Variants in CNTNAP5 observed in about 807,000 individuals in gnomAD.
CNTNAP5 encodes contactin-associated protein-like 5.
Under a neutral mutation model 150.2 loss-of-function variants are expected in CNTNAP5, and 72 were observed. The ratio of observed to expected loss-of-function variants is 0.48; its 90% CI spans 0.40 to 0.58. The LOEUF (loss-of-function observed/expected upper bound fraction) is 0.58. Among genes scored for constraint, CNTNAP5 ranks in the 20% least tolerant of loss-of-function variants. The probability of loss-of-function intolerance (pLI) is 0.00; values close to 1 mark genes in which losing one functional copy is unlikely to be tolerated. For synonymous variants in CNTNAP5, 672 were observed against 619.8 expected (o/e 1.08, Z -1.25); for missense variants, 1,636 against 1,626.2 (o/e 1.01, Z -0.10).
At chr2:124,749,669 C>T (rs1423325298) in intron 14 of CNTNAP5, among the ~76,000 whole-genome samples, 2 of 152,166 alleles carry the variant, frequency 1.3e-5, no homozygotes, top group Non-Finnish European at 2.9e-5. Context: ...CTGCCTCGAC[C>T]TCCCAAAGTG....
At chr2:124,869,783 C>G (rs771629375) in intron 21 of CNTNAP5, 21 bp downstream of exon 21, 1 of 1,408,246 alleles carries the variant, frequency 7.1e-7, no homozygotes, top group Non-Finnish European at 1.0e-6. Context: ...CTAGTTCATA[C>G]CTTTCCAGTG....
chr2:124,077,252 A>T (rs1682459808), intron 1 of CNTNAP5, among the ~76,000 whole-genome samples: 1 of 151,380 alleles, frequency 6.6e-6, no homozygotes, highest in African/African-American at 2.4e-5. Context: ...TGGATAACAT[A>T]CCTCTAAATA....
At chr2:124,577,963 C>T (rs1266398810) in intron 11 of CNTNAP5, among the ~76,000 whole-genome samples, 1 of 151,768 alleles carries the variant, frequency 6.6e-6, no homozygotes, top group East Asian at 1.9e-4. Flanking sequence ...AGAACAGAAC[C>T]AGTGGAAAAA....
chr2:124,340,302 T>C (rs1038577583), intron 3 of CNTNAP5, among the ~76,000 whole-genome samples: 5 of 152,204 alleles, frequency 3.3e-5, no homozygotes, highest in African/African-American at 9.6e-5. Flanking sequence ...ACTGTTATAA[T>C]TTTGTGAAGA....
intron 21 of CNTNAP5, among the ~76,000 whole-genome samples, chr2:124,874,120 TCAC>T (rs2104730487): frequency 6.6e-6 from 1 of 152,192 alleles, no homozygotes; most frequent in South Asian, 2.1e-4. Context: ...CATTAAAACT[TCAC>T]TGTTGGTTCT....
At chr2:124,913,307 T>C (rs922946914) in intron 23 of CNTNAP5, among the ~76,000 whole-genome samples, 2 of 152,128 alleles carry the variant, frequency 1.3e-5, no homozygotes, top group African/African-American at 4.8e-5. Context: ...ATGTTTTCAC[T>C]ATTCCTTTAT....
intron 1 of CNTNAP5, among the ~76,000 whole-genome samples, chr2:124,129,679 C>CA (rs1683800340): frequency 6.6e-6 from 1 of 152,146 alleles, no homozygotes; most frequent in Non-Finnish European, 1.5e-5. Flanking sequence ...ATAATAGGCA[C>CA]ATCTTGCCCC....
intron 8 of CNTNAP5, among the ~76,000 whole-genome samples, chr2:124,515,537 T>C (rs1254819969): frequency 2.7e-5 from 3 of 112,274 alleles, no homozygotes; most frequent in Non-Finnish European, 5.8e-5. Context: ...ATTCAATCAA[T>C]CAATCATTCA....
intron 12 of CNTNAP5, among the ~76,000 whole-genome samples, chr2:124,628,412 A>G (rs757294964): frequency 2.0e-5 from 3 of 152,196 alleles, no homozygotes; most frequent in Non-Finnish European, 2.9e-5. Context: ...GCCAATATTC[A>G]CCATTCTTAA....
chr2:124,554,541 T>C (rs556919879), intron 10 of CNTNAP5, among the ~76,000 whole-genome samples: 1 of 151,780 alleles, frequency 6.6e-6, no homozygotes, highest in East Asian at 1.9e-4. Flanking sequence ...CCACTTCAGC[T>C]TCTCAAGTAG....
chr2:124,819,631 T>C (rs112396809), intron 19 of CNTNAP5, among the ~76,000 whole-genome samples: 1 of 152,142 alleles, frequency 6.6e-6, no homozygotes, highest in South Asian at 2.1e-4. Context: ...GTTTGAATGA[T>C]TTCATCCTTT....
intron 3 of CNTNAP5, among the ~76,000 whole-genome samples, chr2:124,259,580 GT>G (rs1162537908): frequency 5.3e-5 from 8 of 152,266 alleles, no homozygotes; most frequent in Admixed American, 1.3e-4. Flanking sequence ...TCTCATTGTG[GT>G]TTTGATTTGC....
chr2:124,198,225 T>C (rs1033819373), intron 1 of CNTNAP5, among the ~76,000 whole-genome samples: 1 of 152,032 alleles, frequency 6.6e-6, no homozygotes, highest in Admixed American at 6.5e-5. Flanking sequence ...TTGAATATTT[T>C]TCTACTGGGC....
Position 124,269,769 on chromosome 2 carries a change from A to C in CNTNAP5, c.381+27376A>C, listed in dbSNP as rs555078237. Among the ~76,000 whole-genome samples the C allele has an allele frequency of 2.3e-3, 344 of 152,256 alleles. 2 individuals carry two copies. Among genetic ancestry groups the C allele is most frequent in the African/African-American group, 8.1e-3 (336 of 41,554 alleles). On this transcript the variant is annotated intron_variant, in intron 3 of 23. Coordinates refer to ENST00000682447, the MANE Select transcript of CNTNAP5 (RefSeq NM_001367498.1). ...TTATCCTACAGCATGTGATGGAGCA[A>C]AGAAGTAAAAAATGTATGTTTTAAA...
chr2:124,047,501 T>C (rs985118281), intron 1 of CNTNAP5, among the ~76,000 whole-genome samples: 24 of 152,238 alleles, frequency 1.6e-4, no homozygotes, highest in African/African-American at 5.8e-4. Context: ...ACCTGCATAT[T>C]GTGTATAATC....
At chr2:124,025,938 C>G (rs1045875317) in intron 1 of CNTNAP5, among the ~76,000 whole-genome samples, 1 of 152,194 alleles carries the variant, frequency 6.6e-6, no homozygotes, top group Non-Finnish European at 1.5e-5. Context: ...TTCCTCCCTT[C>G]TTCCGTTATC....
intron 12 of CNTNAP5, among the ~76,000 whole-genome samples, chr2:124,630,889 A>AATAAGTGTG (rs1463991085): frequency 6.6e-6 from 1 of 152,228 alleles, no homozygotes; most frequent in Non-Finnish European, 1.5e-5. Context: ...TGGGACACAA[A>AATAAGTGTG]ATAAGTGTGC....
At position 124,780,007 on chromosome 2, in the gene CNTNAP5, A is replaced by G. The variant is rs1376932633; in HGVS notation, c.2752+6990A>G. Among the ~76,000 whole-genome samples the G allele has an allele frequency of 2.0e-5, 3 of 152,198 alleles. No homozygotes were observed. The East Asian group carries it at 5.8e-4, about 29-fold the overall frequency. ...TTTTCTAATATATTTAGTGTTCAAT[A>G]AAAATCTAATGGATTAATGAAAGTG... On this transcript the variant is annotated intron_variant, in intron 17 of 23. Coordinates refer to ENST00000682447, the MANE Select transcript of CNTNAP5 (RefSeq NM_001367498.1).
At position 124,271,658 on chromosome 2, in the gene CNTNAP5, AATCTATCTATCT is replaced by A. The variant is rs147548369; in HGVS notation, c.381+29297_381+29308del. Among the ~76,000 whole-genome samples, 1,173 of 141,504 alleles carry A rather than the reference AATCTATCTATCT, an allele frequency of 8.3e-3. 11 individuals carry two copies. The highest frequency in any genetic ancestry group is 0.025 in the East Asian group (120 of 4,788). The allele number at this position is 141,504 out of a possible 152,430, so 92.8% of individuals were successfully genotyped here. A position where few individuals can be genotyped will look rare whatever the true frequency, so the allele number is the denominator to read the frequency against. On this transcript the variant is annotated intron_variant, in intron 3 of 23. Transcript: ENST00000682447. Reference sequence around the variant, plus strand: ...AATTTCCTTCATTTAGTTTTTTTTTAATCTATCTATCTATCTATCTATCTATCTATCTATCTA... The same window carrying A: ...AATTTCCTTCATTTAGTTTTTTTTTAATCTATCTATCTATCTATCTATCTA...
Sources: gnomAD v4.1 joint callset for allele counts (sites outside exome capture counted in the v4.1 genomes callset) on GRCh38, gnomAD v4.1.1 for gene constraint, MANE v1.5 for transcripts, NCBI Gene and HGNC (gene_info 2026-07-23, HGNC 2026-07-21) for gene names.